Variants in SNTG1 observed in about 807,000 individuals in gnomAD.
SNTG1 encodes the protein gamma-1-syntrophin.
A neutral mutation model predicts 74.7 loss-of-function variants in SNTG1; 39 were observed. The ratio of observed to expected loss-of-function variants is 0.52; its 90% CI spans 0.40 to 0.68. The LOEUF is 0.68. Among genes scored for constraint, SNTG1 ranks in the 30% least tolerant of loss-of-function variants. The pLI is 0.00. For synonymous variants in SNTG1, 254 were observed against 217.1 expected, an observed-to-expected ratio of 1.17 and a Z score of -1.49; for missense variants, 685 against 609.5, an observed-to-expected ratio of 1.12 and a Z score of -1.30.
intron 13 of SNTG1, among the ~76,000 whole-genome samples, chr8:50,598,015 CAGA>C (rs2094743311): frequency 6.6e-6 from 1 of 151,424 alleles, no homozygotes; most frequent in Non-Finnish European, 1.5e-5. Flanking sequence ...CTTTGATGAG[CAGA>C]AGTTTTTTGT....
chr8:50,289,635 G>T (rs1282141665), intron 2 of SNTG1, among the ~76,000 whole-genome samples: 1 of 152,146 alleles, frequency 6.6e-6, no homozygotes, highest in Admixed American at 6.6e-5. Flanking sequence ...AATGACACTG[G>T]ACTGGAAATT....
intron 9 of SNTG1, among the ~76,000 whole-genome samples, chr8:50,510,536 A>G (rs1289716291): frequency 2.0e-5 from 3 of 152,140 alleles, no homozygotes; most frequent in Non-Finnish European, 4.4e-5. Flanking sequence ...CTGTGAATCC[A>G]TCTGGTCCTG....
At chr8:50,611,807 C>T (rs2094851933) in intron 13 of SNTG1, among the ~76,000 whole-genome samples, 1 of 152,114 alleles carries the variant, frequency 6.6e-6, no homozygotes, top group Non-Finnish European at 1.5e-5. Flanking sequence ...CACTCTGTCA[C>T]CCAGTCTGGA....
At chr8:50,555,836 C>G (rs2094452835) in intron 12 of SNTG1, among the ~76,000 whole-genome samples, 1 of 151,952 alleles carries the variant, frequency 6.6e-6, no homozygotes, top group South Asian at 2.1e-4. Context: ...TGTATATAAA[C>G]TTTTTAATGA....
At chr8:50,680,715 C>G (rs1243671095) in intron 15 of SNTG1, among the ~76,000 whole-genome samples, 1 of 152,108 alleles carries the variant, frequency 6.6e-6, no homozygotes, top group East Asian at 1.9e-4. Context: ...CAATGGTCCT[C>G]AAGCGCAACA....
At chr8:50,228,378 G>A (rs2085449884) in intron 2 of SNTG1, among the ~76,000 whole-genome samples, 1 of 151,780 alleles carries the variant, frequency 6.6e-6, no homozygotes, top group South Asian at 2.1e-4. Context: ...AATTATGATA[G>A]CTAAGAACTT....
At chr8:49,959,546 T>C (rs899194724) in intron 1 of SNTG1, among the ~76,000 whole-genome samples, 1 of 152,248 alleles carries the variant, frequency 6.6e-6, no homozygotes, top group African/African-American at 2.4e-5. Flanking sequence ...TCATACAATA[T>C]ATGTGTTTTT....
chr8:50,098,193 A>G (rs2079998299), intron 1 of SNTG1, among the ~76,000 whole-genome samples: 1 of 152,136 alleles, frequency 6.6e-6, no homozygotes, highest in Admixed American at 6.5e-5. Flanking sequence ...AAATCTTTCC[A>G]GGATATTGCT....
rs544401372 is a variant in SNTG1 at position 50,563,574 on chromosome 8, A to AT, written c.810+10403dup. 5.6e-3 allele frequency among the ~76,000 whole-genome samples: 847 copies of AT among 152,112 alleles called. 7 individuals are homozygous for AT. The highest frequency in any genetic ancestry group is 0.018 in the African/African-American group (755 of 41,488). The stretch of plus-strand genomic sequence containing the variant: ...TCATAATGAAATGTCTGATAGACAA[A>AT]TTTTTTTTAAATAAATTTTGTTTCT... On this transcript the variant is annotated intron_variant, in intron 12 of 18. Transcript: ENST00000642720.
intron 2 of SNTG1, among the ~76,000 whole-genome samples, chr8:50,183,917 T>C (rs535293867): frequency 1.3e-5 from 2 of 152,300 alleles, no homozygotes; most frequent in East Asian, 3.9e-4. Flanking sequence ...AAAAATTACT[T>C]ATCTATTAAG....
At chr8:50,685,968 T>C (rs571746571) in intron 15 of SNTG1, among the ~76,000 whole-genome samples, 1 of 152,190 alleles carries the variant, frequency 6.6e-6, no homozygotes, top group Non-Finnish European at 1.5e-5. Context: ...GTGTGTGTTC[T>C]TGGGTGCACG....
intron 1 of SNTG1, among the ~76,000 whole-genome samples, chr8:49,983,636 G>A (rs1812880586): frequency 6.6e-6 from 1 of 152,148 alleles, no homozygotes; most frequent in Admixed American, 6.5e-5. Flanking sequence ...GGATAGCCCT[G>A]ACTTACCAGC....
intron 1 of SNTG1, among the ~76,000 whole-genome samples, chr8:49,986,278 G>A (rs1260705679): frequency 2.0e-5 from 3 of 152,130 alleles, no homozygotes; most frequent in African/African-American, 7.2e-5. Flanking sequence ...CCTGATAAAG[G>A]ATCTAATTGG....
At chr8:50,304,442 T>C (rs995343440) in intron 2 of SNTG1, among the ~76,000 whole-genome samples, 3 of 152,170 alleles carry the variant, frequency 2.0e-5, no homozygotes, top group Non-Finnish European at 1.5e-5. Flanking sequence ...AATTAATAAT[T>C]TTTTGGATTA....
At chr8:50,488,162 G>C (rs748009854) in intron 8 of SNTG1, among the ~76,000 whole-genome samples, 4 of 152,170 alleles carry the variant, frequency 2.6e-5, no homozygotes, top group Non-Finnish European at 5.9e-5. Flanking sequence ...TATAGATAAA[G>C]ACGCATGAAG....
intron 1 of SNTG1, among the ~76,000 whole-genome samples, chr8:50,099,286 T>A (rs1462704046): frequency 2.0e-5 from 3 of 152,072 alleles, no homozygotes; most frequent in African/African-American, 7.2e-5. Context: ...CAGATATTCT[T>A]TATATTTTAC....
At chr8:50,633,089 T>C (rs946570427) in intron 13 of SNTG1, among the ~76,000 whole-genome samples, 2 of 152,194 alleles carry the variant, frequency 1.3e-5, no homozygotes, top group Non-Finnish European at 2.9e-5. Flanking sequence ...TCATGGGCAT[T>C]AGTAATAAAT....
intron 1 of SNTG1, among the ~76,000 whole-genome samples, chr8:50,033,985 ACT>A (rs1372652531): frequency 1.3e-5 from 2 of 152,088 alleles, no homozygotes; most frequent in Admixed American, 1.3e-4. Flanking sequence ...TTTAGCAGTC[ACT>A]CTTCTGATTG....
At chr8:50,138,871 A>C (rs2081567662) in intron 1 of SNTG1, among the ~76,000 whole-genome samples, 1 of 152,016 alleles carries the variant, frequency 6.6e-6, no homozygotes, top group Admixed American at 6.6e-5. Flanking sequence ...AAAAACTATA[A>C]GTTATGTTTA....
Sources: allele counts gnomAD v4.1 joint callset (sites outside exome capture counted in the v4.1 genomes callset), GRCh38; gene constraint gnomAD v4.1.1; transcripts MANE v1.5; gene names NCBI Gene and HGNC (gene_info 2026-07-23, HGNC 2026-07-21).